Variants in CROCC observed in about 807,000 individuals in gnomAD.
CROCC encodes the protein ciliary rootlet coiled-coil, rootletin.
Under a neutral mutation model 245.2 loss-of-function variants are expected in CROCC, and 180 were observed. That is an observed-to-expected ratio of 0.73 (90% CI 0.65 to 0.83). The LOEUF (loss-of-function observed/expected upper bound fraction) is 0.83. CROCC is among the 40% of genes least tolerant of loss of function. The pLI, the probability that CROCC is intolerant of heterozygous loss-of-function variation, is 0.00. For synonymous variants in CROCC, 1,205 were observed against 1,241.6 expected (o/e 0.97, Z 0.62); for missense variants, 2,688 against 2,779.4 (o/e 0.97, Z 0.74).
chr1:16,923,990 A>G (rs1278130265), intron 2 of CROCC, among the ~76,000 whole-genome samples: 4 of 152,238 alleles, frequency 2.6e-5, no homozygotes, highest in Non-Finnish European at 5.9e-5. Flanking sequence ...CCCATATTAC[A>G]GATAAGTAAA....
Position 16,946,823 on chromosome 1 carries a change from G to A in CROCC, c.2346G>A (p.Val782=), listed in dbSNP as rs1279876001. The part of the protein sequence containing the change: ...RQRQAEQEAT[V]AREEQERLEE... ...GGCAGGCAGAGCAGGAGGCCACAGTGGCGCGGGAAGAGCAGGAACGGCTAG... is the reference window on the plus strand; with the variant it reads ...GGCAGGCAGAGCAGGAGGCCACAGTAGCGCGGGAAGAGCAGGAACGGCTAG... Residue 782 remains valine, a synonymous_variant, in exon 17 of 37, where the codon GTG becomes GTA. Coordinates refer to ENST00000375541, the MANE Select transcript of CROCC (RefSeq NM_014675.5). 16 of 1,553,212 alleles carry A rather than the reference G, an allele frequency of 1.0e-5. No individual in the cohort carries two copies. The highest frequency in any genetic ancestry group is 1.3e-5 in the Non-Finnish European group (15 of 1,148,038).
rs938384972 is a variant in CROCC at position 16,966,510 on chromosome 1, A to G, written c.4799A>G (p.Asp1600Gly). 3.9e-6 allele frequency: 6 copies of G among 1,528,124 alleles called. No individual in the cohort carries two copies. The African/African-American group carries it at 8.3e-5, about 21-fold the overall frequency. The allele number at this position is 1,528,124 out of a possible 1,614,324, so 94.7% of individuals were successfully genotyped here. The part of the protein sequence containing the change: ...RSERERRATL[D>G]QVATLERSLQ... The stretch of plus-strand genomic sequence containing the variant: ...GAGCGGGAGCGCCGGGCCACGCTGG[A>G]CCAGGTGGCCACACTGGAGAGGAGC... The change falls in exon 30 of 37, where the codon GAC becomes GGC. Residue 1600 changes from aspartate (D) to glycine (G), a missense_variant. Coordinates refer to ENST00000375541, the MANE Select transcript of CROCC (RefSeq NM_014675.5). The surrounding 1 kb of genome is among the most constrained non-coding windows in gnomAD (Gnocchi z 4.8).
At chr1:16,933,495 T>A (rs542976471) in intron 8 of CROCC, among the ~76,000 whole-genome samples, 1 of 152,388 alleles carries the variant, frequency 6.6e-6, no homozygotes, top group South Asian at 2.1e-4. Context: ...TAGTCTTGCT[T>A]TAGTTTTTTC....
At chr1:16,927,502 C>T (rs1379024630) in intron 3 of CROCC, among the ~76,000 whole-genome samples, 1 of 152,384 alleles carries the variant, frequency 6.6e-6, no homozygotes, top group Admixed American at 6.5e-5. Flanking sequence ...TACCCTGATA[C>T]ACACAGCCAG....
At chr1:16,937,942 CTCA>C (rs1467923431) in intron 10 of CROCC, among the ~76,000 whole-genome samples, 4 of 152,276 alleles carry the variant, frequency 2.6e-5, no homozygotes, top group African/African-American at 9.6e-5. Flanking sequence ...TAGCATAATC[CTCA>C]TAACACAGAT....
In CROCC at chr1:16,954,690, G is replaced by A; in HGVS notation, c.3322-44G>A. 2 of 1,512,926 alleles carry A rather than the reference G, an allele frequency of 1.3e-6. No homozygotes were observed. The highest frequency in any genetic ancestry group is 1.8e-6 in the Non-Finnish European group (2 of 1,124,592). The allele number at this position is 1,512,926 out of a possible 1,614,324, so 93.7% of individuals were successfully genotyped here. The stretch of plus-strand genomic sequence containing the variant: ...AGCGGGTTGGGAGCAGCCCGGGGCT[G>A]GGGGACACAGCAGGACCAAGTCTGA... On this transcript the variant is annotated intron_variant, in intron 22 of 36. Transcript: ENST00000375541. This position sits in a 1 kb window ranked among gnomAD's most constrained non-coding sequence, Gnocchi z 4.4.
intron 3 of CROCC, among the ~76,000 whole-genome samples, chr1:16,929,305 C>T (rs1244438567): frequency 2.7e-4 from 41 of 152,382 alleles, no homozygotes; most frequent in Admixed American, 6.5e-4. Flanking sequence ...CAGATTGACA[C>T]CTCTGTTTTG....
intron 13 of CROCC, among the ~76,000 whole-genome samples, chr1:16,943,301 G>A (rs1426064549): frequency 2.6e-5 from 4 of 152,228 alleles, no homozygotes; most frequent in African/African-American, 9.6e-5. Context: ...ACTTTGGGAG[G>A]CCGAGGCGGG....
chr1:16,925,044 TG>T (rs1433117489), intron 3 of CROCC, among the ~76,000 whole-genome samples: 4 of 152,264 alleles, frequency 2.6e-5, no homozygotes, highest in Non-Finnish European at 5.9e-5. Flanking sequence ...TGCAGGCTTG[TG>T]GGGGTCCCAG....
At chr1:16,965,583 G>T in intron 27 of CROCC, 140 bp from the exon 28 acceptor site, 1 of 694,730 alleles carries the variant, frequency 1.4e-6, no homozygotes, top group South Asian at 1.8e-5. Flanking sequence ...AGCTGGGATG[G>T]GCAAGAAGAC....
chr1:16,947,189 G>A (rs2076068407), intron 17 of CROCC, among the ~76,000 whole-genome samples, 198 bp downstream of exon 17: 2 of 152,286 alleles, frequency 1.3e-5, no homozygotes, highest in Admixed American at 6.5e-5. Flanking sequence ...TCTATAACAT[G>A]GGGCCAGCCA....
At chr1:16,931,924 T>C (rs1383963754) in intron 8 of CROCC, among the ~76,000 whole-genome samples, 1 of 30,488 alleles carries the variant, frequency 3.3e-5, no homozygotes, top group Non-Finnish European at 6.4e-5. Flanking sequence ...ACCCAGCTAA[T>C]TTTTTTTTTT....
Position 16,944,151 on chromosome 1 carries a change from G to A in CROCC, c.1860G>A (p.Glu620=), listed in dbSNP as rs1268138257. Residue 620 remains glutamate (E), a synonymous_variant, in exon 14 of 37, where the codon GAG becomes GAA. Transcript: ENST00000375541. ...HSLQVAQQQA[E]ELRQEREKLQ... ...TGCAGGTGGCCCAGCAGCAGGCCGA[G>A]GAGCTGCGGCAGGAGCGGGAGAAGC... 6.4e-7 allele frequency: 1 copy of A among 1,560,318 alleles called. No homozygotes were observed. The highest frequency in any genetic ancestry group is 1.2e-5 in the South Asian group (1 of 84,578).
Position 16,948,535 on chromosome 1 carries a change from G to C in CROCC, c.2708+11G>C, listed in dbSNP as rs1215416334. ...GGCCACACGCCTGCGGTAAGGCCTT[G>C]GGCTCTGCCCAACCCGCCCTGGGGG... On this transcript the variant is annotated intron_variant, in intron 18 of 36. Coordinates refer to ENST00000375541, the MANE Select transcript of CROCC (RefSeq NM_014675.5). 2.0e-6 allele frequency: 3 copies of C among 1,524,044 alleles called. No homozygotes were observed. The highest frequency in any genetic ancestry group is 2.6e-6 in the Non-Finnish European group (3 of 1,135,850). The allele number at this position is 1,524,044 out of a possible 1,614,324, so 94.4% of individuals were successfully genotyped here.
chr1:16,921,228 G>A (rs2075397368), upstream of CROCC, among the ~76,000 whole-genome samples: 1 of 152,274 alleles, frequency 6.6e-6, no homozygotes, highest in African/African-American at 2.4e-5. Context: ...GAGTCTCAGA[G>A]AGGCAAAGTC....
intron 25 of CROCC, among the ~76,000 whole-genome samples, chr1:16,957,670 C>T (rs916217379): frequency 1.3e-5 from 2 of 152,118 alleles, no homozygotes; most frequent in African/African-American, 4.8e-5. Flanking sequence ...GTCTCGAACT[C>T]CTGATGTCAG....
At chr1:16,958,296 G>T (rs1330264359) in intron 25 of CROCC, among the ~76,000 whole-genome samples, 1 of 152,208 alleles carries the variant, frequency 6.6e-6, no homozygotes, top group Non-Finnish European at 1.5e-5. Context: ...TGTGGTTCCT[G>T]CCTGTGAACT....
At chr1:16,919,876 G>A (rs545761639), upstream of CROCC, among the ~76,000 whole-genome samples, 125 of 152,286 alleles carry the variant, frequency 8.2e-4, 1 homozygote, top group Middle Eastern at 3.4e-3. Context: ...CACCACACTC[G>A]GTCTAGTCTC....
chr1:16,942,334 T>A (rs1360656779), intron 13 of CROCC, among the ~76,000 whole-genome samples: 1 of 152,282 alleles, frequency 6.6e-6, no homozygotes, highest in African/African-American at 2.4e-5. Context: ...TATCCACTTC[T>A]TAGCTGCCAG....
Sources: allele counts gnomAD v4.1 joint callset (sites outside exome capture counted in the v4.1 genomes callset), GRCh38; gene constraint gnomAD v4.1.1; non-coding constraint Gnocchi (gnomAD v3.1); transcripts MANE v1.5; gene names NCBI Gene and HGNC (gene_info 2026-07-23, HGNC 2026-07-21).